Variants in BICDL1 observed in about 807,000 individuals in gnomAD.
BICDL1 encodes the protein BICD family like cargo adaptor 1.
A neutral mutation model predicts 76.8 loss-of-function variants in BICDL1; 20 were observed. That is an observed-to-expected ratio of 0.26 (90% CI 0.18 to 0.38). BICDL1 has a LOEUF of 0.38. Ranked by LOEUF, BICDL1 falls within the 10% of genes least tolerant of loss-of-function variation. The pLI, the probability that BICDL1 is intolerant of heterozygous loss-of-function variation, is 1.00. For missense variants in BICDL1, 700 were observed against 798.6 expected (o/e 0.88, Z 1.49); for synonymous variants, 383 against 337.1 (o/e 1.14, Z -1.49).
chr12:120,071,454 A>G lies in BICDL1; in HGVS notation c.910-168A>G, dbSNP rs1873099489. The stretch of plus-strand genomic sequence containing the variant: ...ACCGCGCCCAGTCAGAATTTTCTAG[A>G]TCTGGATTTTGCTGAGTGCATCTCC... On this transcript the variant is annotated intron_variant, in intron 4 of 9. Coordinates refer to ENST00000548673, the MANE Select transcript of BICDL1 (RefSeq NM_001367886.1). The surrounding 1 kb of genome is among the most constrained non-coding windows in gnomAD (Gnocchi z 4.8). 6.6e-6 allele frequency among the ~76,000 whole-genome samples: 1 copy of G among 152,056 alleles called. No individual in the cohort carries two copies.
intron 8 of BICDL1, among the ~76,000 whole-genome samples, chr12:120,086,343 C>G (rs780292587): frequency 9.9e-5 from 15 of 152,216 alleles, no homozygotes; most frequent in Non-Finnish European, 1.8e-4. Context: ...ACCACACCCC[C>G]CATTTGTATA....
At chr12:120,088,622 G>T (rs1874642081) in intron 8 of BICDL1, among the ~76,000 whole-genome samples, 1 of 151,834 alleles carries the variant, frequency 6.6e-6, no homozygotes, top group Non-Finnish European at 1.5e-5. Flanking sequence ...CTCCCAAAGT[G>T]CTGGGATTAC....
At chr12:120,008,300 A>T (rs1192547185) in intron 2 of BICDL1, among the ~76,000 whole-genome samples, 1 of 151,770 alleles carries the variant, frequency 6.6e-6, no homozygotes, top group Non-Finnish European at 1.5e-5. Flanking sequence ...CTGGGACTAC[A>T]GCTGTAAGCC....
intron 2 of BICDL1, among the ~76,000 whole-genome samples, chr12:120,052,273 CTCTCTT>C (rs1213267312): frequency 2.2e-5 from 3 of 138,894 alleles, no homozygotes; most frequent in Non-Finnish European, 4.7e-5. Context: ...TTCTCTCTCT[CTCTCTT>C]TCTAACTTTT....
At chr12:120,048,003 G>C (rs948263001) in intron 2 of BICDL1, among the ~76,000 whole-genome samples, 1 of 151,904 alleles carries the variant, frequency 6.6e-6, no homozygotes, top group African/African-American at 2.4e-5. Flanking sequence ...AAAAAAACAA[G>C]CAAATGACTC....
intron 3 of BICDL1, among the ~76,000 whole-genome samples, chr12:120,062,631 C>T (rs945194309): frequency 2.0e-5 from 3 of 152,150 alleles, no homozygotes; most frequent in Non-Finnish European, 4.4e-5. Flanking sequence ...TAGCCTGTTG[C>T]CCTGCTCGGT....
At chr12:120,029,316 C>T (rs1256799789) in intron 2 of BICDL1, among the ~76,000 whole-genome samples, 3 of 152,132 alleles carry the variant, frequency 2.0e-5, no homozygotes, top group African/African-American at 7.2e-5. Context: ...ATTTTTTCCC[C>T]CTCAATAGGA....
intron 2 of BICDL1, among the ~76,000 whole-genome samples, chr12:120,003,461 C>T (rs762207968): frequency 1.3e-5 from 2 of 152,228 alleles, no homozygotes; most frequent in South Asian, 4.1e-4. Context: ...CAAGAATACA[C>T]TACCCCTCCA....
intron 3 of BICDL1, among the ~76,000 whole-genome samples, chr12:120,064,024 C>T (rs1038114142): frequency 7.2e-5 from 11 of 152,182 alleles, no homozygotes; most frequent in Admixed American, 6.5e-4. Flanking sequence ...TCAGTGTATA[C>T]GAACATATCA....
chr12:120,051,157 C>T (rs927487983), intron 2 of BICDL1, among the ~76,000 whole-genome samples: 1 of 152,034 alleles, frequency 6.6e-6, no homozygotes, highest in African/African-American at 2.4e-5. Flanking sequence ...AAGCAATTCT[C>T]CTGCCTCAGC....
intron 1 of BICDL1, 25 bp downstream of exon 1, chr12:119,990,322 G>C: frequency 6.5e-7 from 1 of 1,549,202 alleles, no homozygotes; most frequent in South Asian, 1.2e-5. Flanking sequence ...CCAGGGATGG[G>C]TGGGGAGCAG....
At chr12:120,074,058 T>C (rs7307131) in intron 6 of BICDL1, among the ~76,000 whole-genome samples, 307 of 152,214 alleles carry the variant, frequency 2.0e-3, no homozygotes, top group Non-Finnish European at 3.7e-3. Context: ...GGACTACAGG[T>C]GCCCACCACC....
Position 120,033,412 on chromosome 12 carries a change from T to C in BICDL1, c.646-28298T>C, listed in dbSNP as rs906565431. Among the ~76,000 whole-genome samples, 4 of 137,540 alleles carry C rather than the reference T, an allele frequency of 2.9e-5. No individual in the cohort carries two copies. In the Admixed American group the frequency reaches 3.0e-4, roughly 10 times the overall value. 90.2% of individuals were successfully genotyped at this position (137,540 alleles called of 152,430 possible). ...TTGTGGGGGAGATGGAGTCTCACTC[T>C]GTCGTCCAGGCTGGAGTGCACTGGC... is the stretch of plus-strand genomic sequence containing the variant. On this transcript the variant is annotated intron_variant, in intron 2 of 9. Transcript: ENST00000548673.
chr12:120,081,298 A>T (rs1873962952), intron 8 of BICDL1, among the ~76,000 whole-genome samples: 1 of 148,982 alleles, frequency 6.7e-6, no homozygotes, highest in South Asian at 2.1e-4. Flanking sequence ...CATCAATAGG[A>T]TGATACTCTA....
rs138535781 is a variant in BICDL1 at position 120,039,362 on chromosome 12, G to A, written c.646-22348G>A. ...TTTATTAGAAAAGGCTTCATGGGCC[G>A]AGCGTGGTGGTTCACGCCTGTAATC... On this transcript the variant is annotated intron_variant, in intron 2 of 9. Transcript: ENST00000548673. 7.9e-3 allele frequency among the ~76,000 whole-genome samples: 1,188 copies of A among 151,000 alleles called. 20 individuals are homozygous for A. Among genetic ancestry groups the A allele is most frequent in the African/African-American group, 0.028 (1,138 of 41,120 alleles).
At chr12:120,048,438 G>A (rs1034242501) in intron 2 of BICDL1, among the ~76,000 whole-genome samples, 1 of 151,974 alleles carries the variant, frequency 6.6e-6, no homozygotes, top group African/African-American at 2.4e-5. Context: ...TGATCTTTTT[G>A]TAGTTCATAA....
intron 2 of BICDL1, among the ~76,000 whole-genome samples, chr12:120,015,803 C>T (rs573658913): frequency 1.2e-4 from 19 of 152,312 alleles, no homozygotes; most frequent in African/African-American, 3.8e-4. Context: ...ATTCCTTTTC[C>T]ATTGTCCAGA....
chr12:120,012,683 G>A (rs1463523996), intron 2 of BICDL1, among the ~76,000 whole-genome samples: 2 of 152,084 alleles, frequency 1.3e-5, no homozygotes, highest in African/African-American at 4.8e-5. Context: ...TCTCATATAT[G>A]AATTAAGGAC....
At chr12:120,039,548 G>A (rs1239703190) in intron 2 of BICDL1, among the ~76,000 whole-genome samples, 1 of 140,582 alleles carries the variant, frequency 7.1e-6, no homozygotes, top group Non-Finnish European at 1.5e-5. Flanking sequence ...TGAGGCAGGG[G>A]AATTGCTTGA....
Sources: allele counts gnomAD v4.1 joint callset (sites outside exome capture counted in the v4.1 genomes callset), GRCh38; gene constraint gnomAD v4.1.1; non-coding constraint Gnocchi (gnomAD v3.1); transcripts MANE v1.5; gene names NCBI Gene and HGNC (gene_info 2026-07-23, HGNC 2026-07-21).